TLE4: variants seen among roughly 807,000 people sequenced by gnomAD.
TLE4 encodes the protein transducin-like enhancer protein 4.
In TLE4, 8 loss-of-function variants were observed where a neutral mutation model predicts 92.8. The ratio of observed to expected loss-of-function variants is 0.09; its 90% CI spans 0.05 to 0.16. TLE4 has a LOEUF of 0.16. Ranked by LOEUF, TLE4 falls within the 10% of genes least tolerant of loss-of-function variation. The pLI is 1.00. For missense variants in TLE4, 675 were observed against 997.6 expected, an observed-to-expected ratio of 0.68 and a Z score of 4.36; for synonymous variants, 371 against 374.1, an observed-to-expected ratio of 0.99 and a Z score of 0.10.
intron 4 of TLE4, among the ~76,000 whole-genome samples, chr9:79,592,569 C>A (rs1412866566): frequency 6.6e-6 from 1 of 152,124 alleles, no homozygotes; most frequent in Admixed American, 6.6e-5. Flanking sequence ...AGGGGTGAGC[C>A]ACTGTGCCCA....
chr9:79,601,906 A>G (rs1038136500), intron 4 of TLE4, among the ~76,000 whole-genome samples: 4 of 152,242 alleles, frequency 2.6e-5, no homozygotes, highest in African/African-American at 9.6e-5. Flanking sequence ...CAGCCAAGTT[A>G]TAAATGCAAG....
intron 8 of TLE4, among the ~76,000 whole-genome samples, chr9:79,700,882 G>A (rs1017857309): frequency 6.6e-6 from 1 of 152,094 alleles, no homozygotes; most frequent in African/African-American, 2.4e-5. Context: ...TCAAACTGTA[G>A]TGAGAAAGAC....
chr9:79,697,801 C>T (rs1208633486), intron 8 of TLE4, among the ~76,000 whole-genome samples: 2 of 152,070 alleles, frequency 1.3e-5, no homozygotes, highest in Non-Finnish European at 2.9e-5. Context: ...TATTGAAGTG[C>T]TGTATTTTCT....
At chr9:79,682,557 C>A (rs906744941) in intron 8 of TLE4, among the ~76,000 whole-genome samples, 1 of 152,002 alleles carries the variant, frequency 6.6e-6, no homozygotes, top group Non-Finnish European at 1.5e-5. Context: ...TTGTAGTAGT[C>A]GTTTGTCATA....
chr9:79,715,642 CT>C lies in TLE4; in HGVS notation c.1341-3078del, dbSNP rs1226886728. ...GCCATTGGACTACCCCCTCTTCCACCTTGTTGGGAGTATTTCCCCAGTGTAT... is the reference window on the plus strand; with the variant it reads ...GCCATTGGACTACCCCCTCTTCCACCTGTTGGGAGTATTTCCCCAGTGTAT... On this transcript the variant is annotated intron_variant, in intron 14 of 19. Coordinates refer to ENST00000376552, the MANE Select transcript of TLE4 (RefSeq NM_007005.6). 4.6e-5 allele frequency among the ~76,000 whole-genome samples: 7 copies of C among 152,244 alleles called. No individual in the cohort carries two copies. The East Asian group carries it at 9.7e-4, about 21-fold the overall frequency.
intron 6 of TLE4, among the ~76,000 whole-genome samples, chr9:79,651,726 A>C (rs567653398): frequency 2.0e-5 from 3 of 152,210 alleles, no homozygotes; most frequent in Admixed American, 6.5e-5. Flanking sequence ...GAGGACACTT[A>C]AAGGGCTTAA....
chr9:79,700,020 C>T (rs2069350333), intron 8 of TLE4, among the ~76,000 whole-genome samples: 1 of 152,222 alleles, frequency 6.6e-6, no homozygotes, highest in South Asian at 2.1e-4. Flanking sequence ...CCATCCCAAT[C>T]TCTAAAGTAA....
intron 8 of TLE4, among the ~76,000 whole-genome samples, chr9:79,663,003 T>G (rs1352181455): frequency 6.8e-6 from 1 of 147,798 alleles, no homozygotes; most frequent in Non-Finnish European, 1.5e-5. Context: ...TCTGTGCTAC[T>G]GCTCTGAGAG....
intron 6 of TLE4, among the ~76,000 whole-genome samples, chr9:79,651,031 A>ATCTCTCTCTCTCTCTCTCTCTC (rs10580766): frequency 1.5e-4 from 21 of 138,832 alleles, no homozygotes; most frequent in East Asian, 2.1e-4. Flanking sequence ...GGAATGATCG[A>ATCTCTCTCTCTCTCTCTCTCTC]TCTCTCTCTC....
intron 4 of TLE4, among the ~76,000 whole-genome samples, chr9:79,582,782 C>T (rs1396377634): frequency 6.6e-6 from 1 of 151,986 alleles, no homozygotes; most frequent in South Asian, 2.1e-4. Context: ...TCTACACACC[C>T]TCTTAAAATG....
At chr9:79,678,167 A>ATGCATC (rs2063644052) in intron 8 of TLE4, among the ~76,000 whole-genome samples, 1 of 152,126 alleles carries the variant, frequency 6.6e-6, no homozygotes, top group Non-Finnish European at 1.5e-5. Context: ...AAGCATCTAG[A>ATGCATC]TGCATAGGTC....
chr9:79,614,193 C>T (rs1010784563), intron 5 of TLE4, among the ~76,000 whole-genome samples: 5 of 152,136 alleles, frequency 3.3e-5, no homozygotes, highest in African/African-American at 1.2e-4. Context: ...GTGTGACCTA[C>T]AGAGCTGTAA....
chr9:79,575,003 T>A, intron 3 of TLE4, 67 bp downstream of exon 3: 1 of 1,346,226 alleles, frequency 7.4e-7, no homozygotes, highest in Non-Finnish European at 1.1e-6. Context: ...AGAATATGTT[T>A]AAATTGCTGG....
At chr9:79,709,953 C>T (rs970814116) in intron 14 of TLE4, among the ~76,000 whole-genome samples, 3 of 152,334 alleles carry the variant, frequency 2.0e-5, no homozygotes, top group Admixed American at 6.5e-5. Flanking sequence ...GTCTTCTCTA[C>T]ATCTGTTGCA....
chr9:79,627,773 G>C (rs772739284), intron 6 of TLE4: 1 of 256,216 alleles, frequency 3.9e-6, no homozygotes, highest in Non-Finnish European at 7.5e-6. Flanking sequence ...TTGCCCTGAC[G>C]TTAAAATGAC....
chr9:79,679,471 T>C (rs1283197468), intron 8 of TLE4, among the ~76,000 whole-genome samples: 1 of 151,794 alleles, frequency 6.6e-6, no homozygotes, highest in Non-Finnish European at 1.5e-5. Flanking sequence ...GGGGTTGTTT[T>C]TTTCTTGTAA....
At chr9:79,626,956 T>C (rs2133532452) in intron 5 of TLE4, among the ~76,000 whole-genome samples, 1 of 152,268 alleles carries the variant, frequency 6.6e-6, no homozygotes, top group Admixed American at 6.5e-5. Context: ...AATTTAAAAA[T>C]AATTACTTCC....
chr9:79,671,374 C>G (rs971530612), intron 8 of TLE4: 3 of 409,614 alleles, frequency 7.3e-6, no homozygotes, highest in Admixed American at 2.5e-5. Flanking sequence ...ACGAGCTCAA[C>G]GAGTGGCCCG....
chr9:79,709,355 G>A (rs917707020), intron 13 of TLE4, among the ~76,000 whole-genome samples: 1 of 152,094 alleles, frequency 6.6e-6, no homozygotes, highest in African/African-American at 2.4e-5. Context: ...AGATCACATA[G>A]TATAATGAAT....
Sources: gnomAD v4.1 joint callset for allele counts (sites outside exome capture counted in the v4.1 genomes callset) on GRCh38, gnomAD v4.1.1 for gene constraint, MANE v1.5 for transcripts, NCBI Gene and HGNC (gene_info 2026-07-23, HGNC 2026-07-21) for gene names.